The following ZSCAN22 variants were observed in gnomAD, a reference collection of about 807,000 sequenced individuals.
ZSCAN22 encodes the protein zinc finger and SCAN domain-containing protein 22.
Under a neutral mutation model 12.4 loss-of-function variants are expected in ZSCAN22, and 7 were observed. The ratio of observed to expected loss-of-function variants is 0.57; its 90% CI spans 0.32 to 1.06. ZSCAN22 has a LOEUF of 1.06. Ranked by LOEUF, ZSCAN22 falls within the 50% of genes least tolerant of loss-of-function variation. The probability of loss-of-function intolerance (pLI) is 0.04; values close to 1 mark genes in which losing one functional copy is unlikely to be tolerated. For missense variants in ZSCAN22, 576 were observed against 631.7 expected (o/e 0.91, Z 0.94); for synonymous variants, 243 against 255.9 (o/e 0.95, Z 0.48).
At chr19:58,336,305 A>G (rs1200560502) in intron 2 of ZSCAN22, among the ~76,000 whole-genome samples, 2 of 152,130 alleles carry the variant, frequency 1.3e-5, no homozygotes, top group Admixed American at 1.3e-4. Context: ...CAGCTCTGGG[A>G]GAAACAGGCC....
At position 58,338,991 on chromosome 19, in the gene ZSCAN22, G is replaced by C. The variant is rs138944686; in HGVS notation, c.1141G>C (p.Glu381Gln). 8.7e-5 allele frequency: 141 copies of C among 1,613,242 alleles called. No individual in the cohort carries two copies. In the African/African-American group the frequency reaches 1.7e-3, roughly 19 times the overall value. ...GGTGCACACGGGGGAGCGGCCCTAC[G>C]AGTGTGACGCGTGTGGGAAAGCCTT... The part of the protein sequence containing the change: ...QRVHTGERPY[E>Q]CDACGKAFSQ... Residue 381 changes from glutamate (E) to glutamine (Q), a missense_variant, in exon 3 of 3, where the codon GAG becomes CAG. Glu to Gln is a conservative substitution (Grantham distance 29). Transcript: ENST00000329665. The surrounding 1 kb of genome is among the most constrained non-coding windows in gnomAD (Gnocchi z 5.4).
At position 58,339,222 on chromosome 19, in the gene ZSCAN22, C is replaced by T; in HGVS notation, c.1372C>T (p.His458Tyr). ...SSSLIEHQRI[H>Y]TGEKPYKCSD... ...CTCCCTCATTGAGCACCAGAGGATC[C>T]ACACGGGAGAGAAGCCTTATAAGTG... The change falls in exon 3 of 3, where the codon CAC becomes TAC. Residue 458 changes from histidine (H) to tyrosine (Y), a missense_variant. His to Tyr is a moderately conservative substitution (Grantham distance 83). Coordinates refer to ENST00000329665, the MANE Select transcript of ZSCAN22 (RefSeq NM_181846.3). The surrounding 1 kb of genome is among the most constrained non-coding windows in gnomAD (Gnocchi z 5.6). The T allele has an allele frequency of 1.2e-6, 2 of 1,613,810 alleles. No homozygotes were observed. The highest frequency in any genetic ancestry group is 1.7e-6 in the Non-Finnish European group (2 of 1,179,946).
chr19:58,335,292 T>G lies in ZSCAN22; in HGVS notation c.403+87T>G. On this transcript the variant is annotated intron_variant, in intron 2 of 2. Transcript: ENST00000329665. The surrounding 1 kb of genome is among the most constrained non-coding windows in gnomAD (Gnocchi z 4.1). The stretch of plus-strand genomic sequence containing the variant: ...GGAGCACAGGGCTCTGGTTTGGGGT[T>G]GCTCATGCACCCATTCTCACATTTG... The G allele has an allele frequency of 7.1e-7, 1 of 1,416,344 alleles. No homozygotes were observed. Among genetic ancestry groups the G allele is most frequent in the Non-Finnish European group, 9.3e-7 (1 of 1,070,664 alleles). The allele number at this position is 1,416,344 out of a possible 1,614,324, so 87.7% of individuals were successfully genotyped here.
Position 58,334,878 on chromosome 19 carries a change from G to A in ZSCAN22, c.76G>A (p.Glu26Lys). 6.2e-7 allele frequency: 1 copy of A among 1,613,906 alleles called. No homozygotes were observed. The highest frequency in any genetic ancestry group is 8.5e-7 in the Non-Finnish European group (1 of 1,180,042). The change falls in exon 2 of 3, where the codon GAA becomes AAA. Residue 26 changes from glutamate to lysine, a missense_variant. Physicochemically the swap from Glu to Lys is moderately conservative, Grantham distance 56 (BLOSUM62 1). Transcript: ENST00000329665. The stretch of plus-strand genomic sequence containing the variant: ...CTTCCTTCAAGTGAAGGTGGAGGAG[G>A]AAGAGGAAGCCAGCCTCTCCCAGGG... ...DSFLQVKVEE[E>K]EEASLSQGGE...
In ZSCAN22 at chr19:58,339,269, C is replaced by T. The variant is rs201915180; in HGVS notation, c.1419C>T (p.Phe473=). ...PYKCSDCGKA[F]SRSSALMVHL... ...AGTGCAGCGACTGTGGGAAGGCCTTCAGTCGTAGCTCAGCCCTGATGGTTC... is the reference window on the plus strand; with the variant it reads ...AGTGCAGCGACTGTGGGAAGGCCTTTAGTCGTAGCTCAGCCCTGATGGTTC... Residue 473 remains phenylalanine, a synonymous_variant, in exon 3 of 3, where the codon TTC becomes TTT. Coordinates refer to ENST00000329665, the MANE Select transcript of ZSCAN22 (RefSeq NM_181846.3). The surrounding 1 kb of genome is among the most constrained non-coding windows in gnomAD (Gnocchi z 5.6). The T allele has an allele frequency of 5.0e-5, 80 of 1,614,014 alleles. No individual in the cohort carries two copies. The highest frequency in any genetic ancestry group is 6.5e-5 in the Non-Finnish European group (77 of 1,179,984).
rs367738561 is a variant in ZSCAN22, at chr19:58,334,795, G to A, written c.-8G>A. 6.9e-6 allele frequency: 11 copies of A among 1,589,806 alleles called. No homozygotes were observed. Among genetic ancestry groups the A allele is most frequent in the Non-Finnish European group, 8.6e-6 (10 of 1,165,390 alleles). ...GGCATCCTGTGTCTCACTGAGCACT[G>A]CTGCCCGATGGCCATCCCCAAGCAC... On this transcript the variant is annotated 5_prime_UTR_variant, in exon 2 of 3. Coordinates refer to ENST00000329665, the MANE Select transcript of ZSCAN22 (RefSeq NM_181846.3).
intron 1 of ZSCAN22, among the ~76,000 whole-genome samples, chr19:58,333,396 C>T (rs12461305): frequency 6.6e-6 from 1 of 152,198 alleles, no homozygotes; most frequent in Non-Finnish European, 1.5e-5. Context: ...TAACCATACA[C>T]TGGGTCACAA....
intron 1 of ZSCAN22, among the ~76,000 whole-genome samples, chr19:58,331,508 T>A (rs887792829): frequency 7.8e-5 from 11 of 141,626 alleles, no homozygotes; most frequent in African/African-American, 2.9e-4. Flanking sequence ...AGCCACCGCG[T>A]CCAGCTGACG....
At chr19:58,337,018 C>T (rs1057317214) in intron 2 of ZSCAN22, among the ~76,000 whole-genome samples, 1 of 152,204 alleles carries the variant, frequency 6.6e-6, no homozygotes, top group African/African-American at 2.4e-5. Context: ...GATTATGTGT[C>T]CTTTGCACCC....
rs916034856 is a variant in ZSCAN22, at chr19:58,329,953, C to G, written c.-52+2839C>G. Among the ~76,000 whole-genome samples the G allele has an allele frequency of 1.3e-5, 2 of 152,158 alleles. No homozygotes were observed. Among genetic ancestry groups the G allele is most frequent in the African/African-American group, 4.8e-5 (2 of 41,432 alleles). ...TGGTGGGAATGCAAAATGGTATAGC[C>G]AATTTGCAAAACAGCCTGGCAGTTT... On this transcript the variant is annotated intron_variant, in intron 1 of 2. Coordinates refer to ENST00000329665, the MANE Select transcript of ZSCAN22 (RefSeq NM_181846.3). The surrounding 1 kb of genome is among the most constrained non-coding windows in gnomAD (Gnocchi z 4.1).
chr19:58,331,518 G>A lies in ZSCAN22; in HGVS notation c.-51-3234G>A, dbSNP rs200200365. 8.4e-5 allele frequency among the ~76,000 whole-genome samples: 10 copies of A among 119,452 alleles called. No homozygotes were observed. The South Asian group carries it at 8.6e-4, about 10-fold the overall frequency. The allele number at this position is 119,452 out of a possible 152,430, so 78.4% of individuals were successfully genotyped here. ...GTGTGAGCCACCGCGTCCAGCTGAC[G>A]TTATTATTATTATTATTATTATTAT... On this transcript the variant is annotated intron_variant, in intron 1 of 2. Transcript: ENST00000329665.
intron 1 of ZSCAN22, among the ~76,000 whole-genome samples, chr19:58,330,601 C>T (rs1281370231): frequency 6.6e-6 from 1 of 152,224 alleles, no homozygotes; most frequent in Non-Finnish European, 1.5e-5. Context: ...CAAACACTAG[C>T]TTTGTTCCTA....
chr19:58,339,914 G>A lies in ZSCAN22; in HGVS notation c.*588G>A, dbSNP rs1354610575. 6.5e-6 allele frequency: 1 copy of A among 153,502 alleles called. No individual in the cohort carries two copies. Among genetic ancestry groups the A allele is most frequent in the Non-Finnish European group, 1.5e-5 (1 of 68,700 alleles). 9.5% of individuals were successfully genotyped at this position (153,502 alleles called of 1,614,324 possible). On this transcript the variant is annotated 3_prime_UTR_variant, in exon 3 of 3. Coordinates refer to ENST00000329665, the MANE Select transcript of ZSCAN22 (RefSeq NM_181846.3). This position sits in a 1 kb window ranked among gnomAD's most constrained non-coding sequence, Gnocchi z 5.6. Reference sequence around the variant, plus strand: ...ATGGTTTCCTGTCGTAATCAGTGGTGCTGCTTGACACCTGCCCAGCATGTT... The same window carrying A: ...ATGGTTTCCTGTCGTAATCAGTGGTACTGCTTGACACCTGCCCAGCATGTT...
At chr19:58,327,306 A>C (rs984901600) in intron 1 of ZSCAN22, among the ~76,000 whole-genome samples, 192 bp downstream of exon 1, 1 of 152,180 alleles carries the variant, frequency 6.6e-6, no homozygotes, top group Non-Finnish European at 1.5e-5. Context: ...GATGTGACGG[A>C]CTGACGGACC....
chr19:58,338,558 C>T lies in ZSCAN22; in HGVS notation c.708C>T (p.Leu236=), dbSNP rs776210222. The T allele has an allele frequency of 3.7e-6, 6 of 1,614,240 alleles. No individual in the cohort carries two copies. In the East Asian group the frequency reaches 1.3e-4, roughly 36 times the overall value. Residue 236 remains leucine, a synonymous_variant, in exon 3 of 3, where the codon CTC becomes CTT. Transcript: ENST00000329665. This position sits in a 1 kb window ranked among gnomAD's most constrained non-coding sequence, Gnocchi z 5.4. Reference sequence around the variant, plus strand: ...ACAGTTCTAGTGCGTGGCCAAACCTCACCTCCCAAGAGAAGCCTCCTTCAG... The same window carrying T: ...ACAGTTCTAGTGCGTGGCCAAACCTTACCTCCCAAGAGAAGCCTCCTTCAG... ...SRNSSSAWPN[L]TSQEKPPSED... is the part of the protein sequence containing the mutation.
At chr19:58,330,575 G>A (rs1040203802) in intron 1 of ZSCAN22, among the ~76,000 whole-genome samples, 1 of 152,194 alleles carries the variant, frequency 6.6e-6, no homozygotes. Flanking sequence ...AGGAAAGATC[G>A]CAGATAGCCT....
chr19:58,339,344 G>A lies in ZSCAN22; in HGVS notation c.*18G>A. On this transcript the variant is annotated 3_prime_UTR_variant, in exon 3 of 3. Coordinates refer to ENST00000329665, the MANE Select transcript of ZSCAN22 (RefSeq NM_181846.3). This position sits in a 1 kb window ranked among gnomAD's most constrained non-coding sequence, Gnocchi z 5.6. ...TGCAATGACCGGAAGTCGCCCCTGG[G>A]GGCGTAGCACAGCGTCTTCTCGGAG... is the stretch of plus-strand genomic sequence containing the variant. The A allele has an allele frequency of 1.9e-6, 3 of 1,574,276 alleles. No homozygotes were observed. The highest frequency in any genetic ancestry group is 2.6e-6 in the Non-Finnish European group (3 of 1,157,950).
Position 58,333,701 on chromosome 19 carries a change from T to C in ZSCAN22, c.-51-1051T>C, listed in dbSNP as rs577639422. On this transcript the variant is annotated intron_variant, in intron 1 of 2. Transcript: ENST00000329665. The stretch of plus-strand genomic sequence containing the variant: ...TCCACTAAAAATACAAAAATTAGCC[T>C]CACATGGTGGTGCACACCTGTAGTT... Among the ~76,000 whole-genome samples the C allele has an allele frequency of 1.8e-3, 276 of 152,190 alleles. 1 individual carries two copies. Among genetic ancestry groups the C allele is most frequent in the African/African-American group, 6.2e-3 (258 of 41,526 alleles).
chr19:58,334,855 T>A lies in ZSCAN22; in HGVS notation c.53T>A (p.Phe18Tyr). The A allele has an allele frequency of 6.2e-7, 1 of 1,613,806 alleles. No homozygotes were observed. The highest frequency in any genetic ancestry group is 8.5e-7 in the Non-Finnish European group (1 of 1,180,020). Reference sequence around the variant, plus strand: ...CCAGTGCCGTGGGAAGAGGACAGCTTCCTTCAAGTGAAGGTGGAGGAGGAA... The same window carrying A: ...CCAGTGCCGTGGGAAGAGGACAGCTACCTTCAAGTGAAGGTGGAGGAGGAA... ...LSPVPWEEDS[F>Y]LQVKVEEEEE... The change falls in exon 2 of 3, where the codon TTC becomes TAC. Residue 18 changes from phenylalanine (F) to tyrosine (Y), a missense_variant. Phe to Tyr is a conservative substitution (Grantham distance 22). Coordinates refer to ENST00000329665, the MANE Select transcript of ZSCAN22 (RefSeq NM_181846.3).
Sources: allele counts gnomAD v4.1 joint callset (sites outside exome capture counted in the v4.1 genomes callset), GRCh38; gene constraint gnomAD v4.1.1; non-coding constraint Gnocchi (gnomAD v3.1); transcripts MANE v1.5; gene names NCBI Gene and HGNC (gene_info 2026-07-23, HGNC 2026-07-21).